ZMYM2: variants seen among roughly 807,000 people sequenced by gnomAD.
The protein encoded by ZMYM2 is zinc finger MYM-type containing 2, also known as zinc finger MYM-type protein 2.
Under a neutral mutation model 162.8 loss-of-function variants are expected in ZMYM2, and 56 were observed. The ratio of observed to expected loss-of-function variants is 0.34; its 90% confidence interval spans 0.28 to 0.43. The LOEUF (loss-of-function observed/expected upper bound fraction) is 0.43, where lower values mean the gene tolerates loss of function less well. Among genes scored for constraint, ZMYM2 ranks in the 20% least tolerant of loss-of-function variants. ZMYM2 has a pLI of 1.00. For missense variants in ZMYM2, 1,275 were observed against 1,621.8 expected (o/e 0.79, Z 3.67); for synonymous variants, 510 against 541.6 (o/e 0.94, Z 0.81).
intron 12 of ZMYM2, among the ~76,000 whole-genome samples, chr13:20,047,353 C>G (rs1452501979): frequency 6.6e-6 from 1 of 152,150 alleles, no homozygotes; most frequent in Non-Finnish European, 1.5e-5. Context: ...TGGGGTCCCC[C>G]CCTTTTATGG....
At chr13:20,076,888 G>T (rs1038555053) in intron 21 of ZMYM2, among the ~76,000 whole-genome samples, 1 of 150,078 alleles carries the variant, frequency 6.7e-6, no homozygotes, top group Admixed American at 6.6e-5. Context: ...CCAGGCTGGA[G>T]TGCAGTGGTG....
At chr13:19,972,579 C>T (rs951146746) in intron 2 of ZMYM2, among the ~76,000 whole-genome samples, 15 of 151,914 alleles carry the variant, frequency 9.9e-5, no homozygotes, top group Non-Finnish European at 2.9e-5. Context: ...ACAGCTTAGA[C>T]ATTCTTTTGA....
intron 12 of ZMYM2, among the ~76,000 whole-genome samples, chr13:20,044,462 ACTCTTGGTGCTTTCCCTCTGAAGAT>A (rs1954574939): frequency 6.6e-6 from 1 of 151,090 alleles, no homozygotes; most frequent in East Asian, 1.9e-4. Context: ...TCCCTCCTCT[ACTCTTGGTGCTTTCCCTCTGAAGAT>A]CTCTTAGGAG....
chr13:19,898,890 G>A, the ZMYM2 span, among the ~76,000 whole-genome samples: 14 of 151,662 alleles, frequency 9.2e-5, no homozygotes, highest in African/African-American at 3.1e-4. Context: ...CCATGATCAC[G>A]CCACTGCTCT....
chr13:19,899,284 A>C, the ZMYM2 span, among the ~76,000 whole-genome samples: 2 of 152,020 alleles, frequency 1.3e-5, no homozygotes, highest in East Asian at 3.8e-4. Context: ...TAAATAAATA[A>C]ATAGATAAAT....
chr13:19,932,989 C>T, the ZMYM2 span, among the ~76,000 whole-genome samples: 1 of 152,268 alleles, frequency 6.6e-6, no homozygotes, highest in East Asian at 1.9e-4. Flanking sequence ...CATTCTGTCA[C>T]CCAGACTGGA....
chr13:20,020,840 G>A (rs1234727387), intron 7 of ZMYM2, among the ~76,000 whole-genome samples: 1 of 151,652 alleles, frequency 6.6e-6, no homozygotes, highest in Non-Finnish European at 1.5e-5. Context: ...CAGATGTTAT[G>A]TTTTTCGTCT....
chr13:20,042,703 C>T (rs184568438), intron 12 of ZMYM2, among the ~76,000 whole-genome samples: 2 of 151,650 alleles, frequency 1.3e-5, no homozygotes, highest in Admixed American at 1.3e-4. Context: ...AAGTTGCTGA[C>T]CTTTGCTTTT....
At chr13:20,073,743 A>G (rs1957261602) in intron 21 of ZMYM2, among the ~76,000 whole-genome samples, 1 of 152,220 alleles carries the variant, frequency 6.6e-6, no homozygotes, top group Admixed American at 6.5e-5. Flanking sequence ...GATTATTTAA[A>G]TAATTAGGAC....
chr13:19,897,340 T>C, the ZMYM2 span, among the ~76,000 whole-genome samples: 2 of 152,032 alleles, frequency 1.3e-5, no homozygotes, highest in African/African-American at 4.8e-5. Flanking sequence ...TAAAAAGAGA[T>C]AGATTGGCAG....
intron 2 of ZMYM2, among the ~76,000 whole-genome samples, chr13:19,968,030 C>T (rs934105385): frequency 2.6e-5 from 4 of 152,270 alleles, no homozygotes; most frequent in Middle Eastern, 6.8e-3. Context: ...CTTTTTCTAA[C>T]GATTTCTTCT....
At chr13:19,877,386 A>G in the ZMYM2 span, among the ~76,000 whole-genome samples, 1 of 152,140 alleles carries the variant, frequency 6.6e-6, no homozygotes, top group African/African-American at 2.4e-5. Flanking sequence ...GAAAGAGAGA[A>G]AGCAAGAGAG....
rs1486924062 is a variant in ZMYM2, at chr13:20,082,109, C to G, written c.3547C>G (p.Gln1183Glu). The change falls in exon 22 of 25, where the codon CAA becomes GAA. Residue 1183 changes from glutamine to glutamate, a missense_variant. By Grantham distance (29) the Gln-to-Glu change is conservative. Coordinates refer to ENST00000610343, the MANE Select transcript of ZMYM2 (RefSeq NM_197968.4). ...ATTGAATAAAATACTGCGAAGCTGG[C>G]AACCAAGCATACTTCCAGATGGTAA... ...QELNKILRSW[Q>E]PSILPDGSIF... 1 of 1,603,522 alleles carries G rather than the reference C, an allele frequency of 6.2e-7. No homozygotes were observed. Among genetic ancestry groups the G allele is most frequent in the Admixed American group, 1.7e-5 (1 of 57,906 alleles).
At chr13:20,068,868 C>G (rs973936068) in intron 21 of ZMYM2, among the ~76,000 whole-genome samples, 7 of 152,038 alleles carry the variant, frequency 4.6e-5, no homozygotes, top group Middle Eastern at 3.2e-3. Context: ...TTAATTCATT[C>G]CTACTTTTGG....
the ZMYM2 span, among the ~76,000 whole-genome samples, chr13:19,907,626 G>A: frequency 5.8e-3 from 889 of 152,026 alleles, 12 homozygotes; most frequent in African/African-American, 0.02. Context: ...GCCAGGTGTG[G>A]TGGCAGGTGC....
At chr13:20,026,884 G>T in intron 8 of ZMYM2, 122 bp downstream of exon 8, 1 of 1,086,742 alleles carries the variant, frequency 9.2e-7, no homozygotes, top group Non-Finnish European at 1.3e-6. Context: ...TAATCTTTTT[G>T]AAAACTGTTC....
At chr13:19,909,911 A>G in the ZMYM2 span, among the ~76,000 whole-genome samples, 1 of 152,026 alleles carries the variant, frequency 6.6e-6, no homozygotes, top group Non-Finnish European at 1.5e-5. Flanking sequence ...AGTGGAAGAA[A>G]ACATAAAGTT....
intron 21 of ZMYM2, among the ~76,000 whole-genome samples, chr13:20,077,825 T>A (rs1443869238): frequency 6.9e-6 from 1 of 145,288 alleles, no homozygotes; most frequent in Non-Finnish European, 1.5e-5. Context: ...GGGAGAAACA[T>A]GAAAAGGTTT....
At chr13:19,906,549 T>C in the ZMYM2 span, among the ~76,000 whole-genome samples, 12 of 150,814 alleles carry the variant, frequency 8.0e-5, no homozygotes, top group South Asian at 2.5e-3. Flanking sequence ...TTTTTTTTGT[T>C]TTCTTTTTCT....
Sources: gnomAD v4.1 joint callset for allele counts (sites outside exome capture counted in the v4.1 genomes callset) on GRCh38, gnomAD v4.1.1 for gene constraint, MANE v1.5 for transcripts, NCBI Gene and HGNC (gene_info 2026-07-23, HGNC 2026-07-21) for gene names.